The following SAMD11 variants were observed in gnomAD, a reference collection of about 807,000 sequenced individuals.
SAMD11 encodes the protein sterile alpha motif domain containing 11, also known as sterile alpha motif domain-containing protein 11.
Under a neutral mutation model 64.4 loss-of-function variants are expected in SAMD11, and 77 were observed. That is an observed-to-expected ratio of 1.20 (90% CI 0.99 to 1.44). The LOEUF (loss-of-function observed/expected upper bound fraction) is 1.44. Among genes scored for constraint, SAMD11 ranks in the 40% most tolerant of loss-of-function variants. The pLI, the probability that SAMD11 is intolerant of heterozygous loss-of-function variation, is 0.00. For missense variants in SAMD11, 1,402 were observed against 943.3 expected, an observed-to-expected ratio of 1.49 and a Z score of -6.37; for synonymous variants, 658 against 421.9, an observed-to-expected ratio of 1.56 and a Z score of -6.86.
At chr1:940,702 C>G (rs1000889684) in intron 7 of SAMD11, among the ~76,000 whole-genome samples, 41 of 152,344 alleles carry the variant, frequency 2.7e-4, no homozygotes, top group African/African-American at 9.4e-4. Context: ...GCTGCCTTGC[C>G]TTTGTGACAA....
At position 941,010 on chromosome 1, in the gene SAMD11, C is replaced by G. The variant is rs542954522; in HGVS notation, c.1196-134C>G. 274 of 755,516 alleles carry G rather than the reference C, an allele frequency of 3.6e-4. 2 individuals are homozygous for G. Among genetic ancestry groups the G allele is most frequent in the South Asian group, 1.6e-3 (84 of 51,922 alleles). 46.8% of individuals were successfully genotyped at this position (755,516 alleles called of 1,614,324 possible). ...GCCGCCCATCCTCCTGCCCCGTGCC[C>G]GAGACCAGCCCAGGGGCCGAGCACG... On this transcript the variant is annotated intron_variant, in intron 7 of 13. Transcript: ENST00000616016.
chr1:928,372 A>G (rs1239025190), intron 2 of SAMD11, among the ~76,000 whole-genome samples: 1 of 152,170 alleles, frequency 6.6e-6, no homozygotes, highest in Non-Finnish European at 1.5e-5. Flanking sequence ...AGCCTGGGCA[A>G]CAGAGTGAGA....
In SAMD11 at chr1:942,745, C is replaced by T. The variant is rs1641865263; in HGVS notation, c.1740C>T (p.Gly580=). 6.7e-7 allele frequency: 1 copy of T among 1,491,708 alleles called. No homozygotes were observed. Among genetic ancestry groups the T allele is most frequent in the African/African-American group, 1.5e-5 (1 of 68,246 alleles). The allele number at this position is 1,491,708 out of a possible 1,614,324, so 92.4% of individuals were successfully genotyped here. A position where few individuals can be genotyped will look rare whatever the true frequency, so the allele number is the denominator to read the frequency against. Residue 580 remains glycine (G), a synonymous_variant, in exon 11 of 14, where the codon GGC becomes GGT. Coordinates refer to ENST00000616016, the MANE Select transcript of SAMD11 (RefSeq NM_001385641.1). Reference sequence around the variant, plus strand: ...CCCTGCCCCCCCAGGGGCCCCCGGGCTCCGGACCCCCCACCCCGTCCCGGG... The same window carrying T: ...CCCTGCCCCCCCAGGGGCCCCCGGGTTCCGGACCCCCCACCCCGTCCCGGG... ...LLALPPQGPP[G]SGPPTPSRDS...
chr1:943,349 G>C lies in SAMD11; in HGVS notation c.2150G>C (p.Gly717Ala). 1 of 1,591,452 alleles carries C rather than the reference G, an allele frequency of 6.3e-7. No homozygotes were observed. Among genetic ancestry groups the C allele is most frequent in the Non-Finnish European group, 8.6e-7 (1 of 1,167,742 alleles). The change falls in exon 12 of 14, where the codon GGC (glycine) becomes GCC (alanine). Residue 717 changes from glycine to alanine, a missense_variant. Physicochemically the swap from Gly to Ala is moderately conservative, Grantham distance 60 (BLOSUM62 0). Transcript: ENST00000616016. ...GATGACGTCTGCAGCTTCGTGGGGG[G>C]CCTGTCTGGCTGTGGAGAGTACACT... ...TVDDVCSFVGGLSGCGEYTRV... is the reference protein window; with the variant it reads ...TVDDVCSFVGALSGCGEYTRV...
intron 7 of SAMD11, among the ~76,000 whole-genome samples, chr1:939,702 G>T (rs1641646128): frequency 6.6e-6 from 1 of 152,162 alleles, no homozygotes; most frequent in Admixed American, 6.5e-5. Flanking sequence ...CCAGGTGAGG[G>T]TGGGCAGTGG....
Position 942,578 on chromosome 1 carries a change from C to A in SAMD11, c.1573C>A (p.Leu525Ile). Residue 525 changes from leucine (L) to isoleucine (I), a missense_variant, in exon 11 of 14, where the codon CTC becomes ATC. Leu to Ile is a conservative substitution (Grantham distance 5, BLOSUM62 2). Coordinates refer to ENST00000616016, the MANE Select transcript of SAMD11 (RefSeq NM_001385641.1). Reference protein sequence around the residue: ...NLARLELPADLLRQKELESAR... With the variant: ...NLARLELPADILRQKELESAR... ...GCCCAGGCTGGAGCTGCCCGCCGAC[C>A]TCCTGCGGCAGAAGGAGCTGGAGAG... 7.1e-7 allele frequency: 1 copy of A among 1,411,270 alleles called. No individual in the cohort carries two copies. Among genetic ancestry groups the A allele is most frequent in the Non-Finnish European group, 9.2e-7 (1 of 1,091,504 alleles). 87.4% of individuals were successfully genotyped at this position (1,411,270 alleles called of 1,614,324 possible). A position where few individuals can be genotyped will look rare whatever the true frequency, so the allele number is the denominator to read the frequency against.
chr1:924,974 C>CG (rs1472243931), intron 1 of SAMD11, 26 bp downstream of exon 1: 1 of 152,096 alleles, frequency 6.6e-6, no homozygotes, highest in Non-Finnish European at 1.5e-5. Context: ...CCTTCGCTGC[C>CG]GGGACCCGCG....
rs761264701 is a variant in SAMD11, at chr1:942,155, C to G, written c.1378C>G (p.Pro460Ala). Residue 460 changes from proline (P) to alanine (A), a missense_variant, in exon 9 of 14, where the codon CCC (proline) becomes GCC (alanine). Pro to Ala is a conservative substitution (Grantham distance 27, BLOSUM62 -1). Transcript: ENST00000616016. ...FSERELPQPPPLLSPQNAPHV... is the reference protein window; with the variant it reads ...FSERELPQPPALLSPQNAPHV... ...CCACAGGGAGCTGCCTCAGCCGCCC[C>G]CCTTGCTGTCGCCGCAGAATGCCCC... 1 of 1,392,440 alleles carries G rather than the reference C, an allele frequency of 7.2e-7. No individual in the cohort carries two copies. The highest frequency in any genetic ancestry group is 9.5e-7 in the Non-Finnish European group (1 of 1,048,388). The allele number at this position is 1,392,440 out of a possible 1,614,324, so 86.3% of individuals were successfully genotyped here.
intron 5 of SAMD11, among the ~76,000 whole-genome samples, chr1:936,841 TCGA>T (rs539643167): frequency 9.5e-4 from 145 of 152,212 alleles, no homozygotes; most frequent in African/African-American, 3.4e-3. Context: ...AATTGCCCCA[TCGA>T]TCCAGCAGAG....
Position 943,717 on chromosome 1 carries a change from T to C in SAMD11, c.2198T>C (p.Ile733Thr), listed in dbSNP as rs1641971133. 6.3e-7 allele frequency: 1 copy of C among 1,591,562 alleles called. No individual in the cohort carries two copies. The highest frequency in any genetic ancestry group is 8.6e-7 in the Non-Finnish European group (1 of 1,167,366). ...EYTRVFREQG[I>T]DGETLPLLTE... The stretch of plus-strand genomic sequence containing the variant: ...TTCCAGGTCTTCAGGGAGCAGGGGA[T>C]CGACGGGGAGACCCTGCCACTGCTG... The change falls in exon 13 of 14, where the codon ATC becomes ACC. Residue 733 changes from isoleucine to threonine, a missense_variant. By Grantham distance (89) the Ile-to-Thr change is moderately conservative. Transcript: ENST00000616016.
At chr1:928,244 T>G (rs1344184983) in intron 2 of SAMD11, among the ~76,000 whole-genome samples, 1 of 151,882 alleles carries the variant, frequency 6.6e-6, no homozygotes, top group East Asian at 1.9e-4. Flanking sequence ...TACAAAAAAT[T>G]AGCCGGGCGT....
intron 7 of SAMD11, chr1:940,296 G>GCCCCCCCCCCCCCCCCCCCCCC (rs552305601): frequency 7.6e-6 from 1 of 131,496 alleles, no homozygotes; most frequent in Admixed American, 8.0e-5. Flanking sequence ...CCGCGCCGCC[G>GCCCCCCCCCCCCCCCCCCCCCC]CCCCCCCCCC....
At chr1:930,951 C>T (rs890172429) in intron 3 of SAMD11, 88 bp from the exon 4 acceptor site, 23 of 1,347,526 alleles carry the variant, frequency 1.7e-5, no homozygotes, top group Admixed American at 6.8e-5. Flanking sequence ...GGCACTGACC[C>T]GAGACAGGTC....
chr1:935,691 G>T (rs575242519), intron 4 of SAMD11, 81 bp from the exon 5 acceptor site: 1 of 1,585,192 alleles, frequency 6.3e-7, no homozygotes, highest in South Asian at 1.1e-5. Flanking sequence ...CACACACAGA[G>T]CTAGGCACTC....
At position 943,828 on chromosome 1, in the gene SAMD11, G is replaced by C. The variant is rs1443060003; in HGVS notation, c.2289+20G>C. On this transcript the variant is annotated intron_variant, in intron 13 of 13. Transcript: ENST00000616016. ...GCCCAGGTGAGACGCTGGGGAGTGA[G>C]GTCAGGGTCTCCAGACCACAGCTGG... 6.2e-7 allele frequency: 1 copy of C among 1,612,974 alleles called. No individual in the cohort carries two copies. Among genetic ancestry groups the C allele is most frequent in the Middle Eastern group, 1.7e-4 (1 of 6,014 alleles).
chr1:937,916 A>G (rs1406612949), intron 5 of SAMD11, among the ~76,000 whole-genome samples: 1 of 152,226 alleles, frequency 6.6e-6, no homozygotes, highest in Non-Finnish European at 1.5e-5. Flanking sequence ...AGGGAATAAG[A>G]AAAAGGAATT....
chr1:933,398 G>A (rs778152221), intron 4 of SAMD11, among the ~76,000 whole-genome samples: 1 of 152,152 alleles, frequency 6.6e-6, no homozygotes, highest in African/African-American at 2.4e-5. Flanking sequence ...CCCACCAGGT[G>A]CCACTGCCCA....
Position 941,182 on chromosome 1 carries a change from C to G in SAMD11, c.1234C>G (p.Leu412Val), listed in dbSNP as rs765464727. 6.2e-7 allele frequency: 1 copy of G among 1,602,474 alleles called. No individual in the cohort carries two copies. The highest frequency in any genetic ancestry group is 8.5e-7 in the Non-Finnish European group (1 of 1,175,518). Residue 412 changes from leucine (L) to valine (V), a missense_variant, in exon 8 of 14, where the codon CTG (leucine) becomes GTG (valine). By Grantham distance (32) the Leu-to-Val change is conservative. Transcript: ENST00000616016. ...RVRQEVAAAA[L>V]RGPSGLEAHL... ...CCGGCAGGAGGTGGCGGCTGCAGCT[C>G]TGAGGGGCCCCAGTGGCCTGGAAGC... is the stretch of plus-strand genomic sequence containing the variant.
At chr1:925,709 G>T (rs1640850660) in intron 1 of SAMD11, 1 of 510,124 alleles carries the variant, frequency 2.0e-6, no homozygotes, top group African/African-American at 2.0e-5. Flanking sequence ...TCGGGGGAGG[G>T]CGCTCCACCC....
Sources: allele counts gnomAD v4.1 joint callset (sites outside exome capture counted in the v4.1 genomes callset), GRCh38; gene constraint gnomAD v4.1.1; transcripts MANE v1.5; gene names NCBI Gene and HGNC (gene_info 2026-07-23, HGNC 2026-07-21).